SLC4A4: variants seen among roughly 807,000 people sequenced by gnomAD.
SLC4A4 encodes electrogenic sodium bicarbonate cotransporter 1.
In SLC4A4, 27 loss-of-function variants were observed where a neutral mutation model predicts 111.5. The observed-to-expected ratio is 0.24, with a 90% CI of 0.18 to 0.33. The LOEUF is 0.33. Ranked by LOEUF, SLC4A4 falls within the 10% of genes least tolerant of loss-of-function variation. The pLI is 1.00. For synonymous variants in SLC4A4, 443 were observed against 463.4 expected (o/e 0.96, Z 0.57); for missense variants, 909 against 1,315.5 (o/e 0.69, Z 4.78).
chr4:71,087,693 G>T (rs578077598), intron 1 of SLC4A4, among the ~76,000 whole-genome samples: 1 of 152,194 alleles, frequency 6.6e-6, no homozygotes, highest in East Asian at 1.9e-4. Flanking sequence ...AGGTTGTTCA[G>T]TTTCCATGTA....
At chr4:71,196,566 G>A (rs1289216185) in intron 1 of SLC4A4, among the ~76,000 whole-genome samples, 1 of 151,826 alleles carries the variant, frequency 6.6e-6, no homozygotes, top group Admixed American at 6.6e-5. Context: ...GCTTTGCACT[G>A]CCCTTTAATT....
At chr4:71,520,576 A>G (rs1339530688) in intron 16 of SLC4A4, among the ~76,000 whole-genome samples, 2 of 152,240 alleles carry the variant, frequency 1.3e-5, no homozygotes, top group African/African-American at 4.8e-5. Context: ...TATAAAGGGA[A>G]AGTTTGGCTA....
At chr4:71,202,146 C>T (rs1746284534) in intron 1 of SLC4A4, among the ~76,000 whole-genome samples, 1 of 152,214 alleles carries the variant, frequency 6.6e-6, no homozygotes, top group Non-Finnish European at 1.5e-5. Context: ...ATACATATAG[C>T]ATTGACAGTT....
At chr4:71,308,597 C>T (rs890581862) in intron 3 of SLC4A4, among the ~76,000 whole-genome samples, 3 of 152,132 alleles carry the variant, frequency 2.0e-5, no homozygotes, top group East Asian at 1.9e-4. Context: ...AGGGGGTTGT[C>T]GCCTCACCCA....
chr4:71,288,385 G>T (rs1209532710), intron 3 of SLC4A4, among the ~76,000 whole-genome samples: 3 of 151,380 alleles, frequency 2.0e-5, no homozygotes, highest in African/African-American at 7.3e-5. Flanking sequence ...CAAGGAGTCA[G>T]AGAACAAATA....
intron 12 of SLC4A4, among the ~76,000 whole-genome samples, chr4:71,458,271 A>G (rs984712854): frequency 2.6e-5 from 4 of 152,100 alleles, no homozygotes; most frequent in African/African-American, 9.6e-5. Flanking sequence ...TTTATGGATT[A>G]CTTAGTCTAT....
rs151334576 is a variant in SLC4A4 at position 71,146,956 on chromosome 4, G to A, written c.-2+54164G>A. Among the ~76,000 whole-genome samples the A allele has an allele frequency of 1.7e-3, 258 of 151,606 alleles. 1 individual carries two copies. Among genetic ancestry groups the A allele is most frequent in the African/African-American group, 6.1e-3 (250 of 41,312 alleles). On this transcript the variant is annotated intron_variant, in intron 2 of 26. Transcript: ENST00000649996. Reference sequence around the variant, plus strand: ...GGCACAGACTGGCAAATTGGATAAAGAGTCAAGACCCATCAGTGTGCTGTA... The same window carrying A: ...GGCACAGACTGGCAAATTGGATAAAAAGTCAAGACCCATCAGTGTGCTGTA...
At chr4:71,105,537 G>A (rs1331202205) in intron 2 of SLC4A4, among the ~76,000 whole-genome samples, 1 of 150,922 alleles carries the variant, frequency 6.6e-6, no homozygotes, top group Non-Finnish European at 1.5e-5. Flanking sequence ...CAAGGCTACA[G>A]TAACCAAAAC....
chr4:71,331,689 C>G (rs1400185599), intron 3 of SLC4A4, among the ~76,000 whole-genome samples: 2 of 151,022 alleles, frequency 1.3e-5, no homozygotes, highest in African/African-American at 4.9e-5. Context: ...ATGTAACAAA[C>G]CTGCCCGTTG....
chr4:71,397,539 A>G (rs757982509), intron 6 of SLC4A4, 38 bp from the exon 7 acceptor site: 4 of 1,551,944 alleles, frequency 2.6e-6, no homozygotes, highest in Non-Finnish European at 3.6e-6. Flanking sequence ...TGTTATTGAA[A>G]AGAAGTCTTT....
intron 3 of SLC4A4, among the ~76,000 whole-genome samples, chr4:71,313,164 A>G (rs2148856993): frequency 6.6e-6 from 1 of 152,344 alleles, no homozygotes; most frequent in Admixed American, 6.5e-5. Flanking sequence ...ATCATGAGTG[A>G]ACTTTCATTC....
chr4:71,363,169 A>G (rs1249706095), intron 6 of SLC4A4, among the ~76,000 whole-genome samples: 2 of 152,166 alleles, frequency 1.3e-5, no homozygotes, highest in African/African-American at 4.8e-5. Flanking sequence ...GCTGTTACCT[A>G]CAGTAACAGA....
intron 1 of SLC4A4, among the ~76,000 whole-genome samples, chr4:71,091,638 A>G (rs750627586): frequency 6.6e-6 from 1 of 152,104 alleles, no homozygotes; most frequent in Non-Finnish European, 1.5e-5. Context: ...GTAGCCAGCA[A>G]TGGGTCATAG....
chr4:71,361,895 T>A (rs968443865), intron 6 of SLC4A4, among the ~76,000 whole-genome samples: 3 of 152,236 alleles, frequency 2.0e-5, no homozygotes, highest in African/African-American at 7.2e-5. Context: ...TTTAGTAAGA[T>A]GTTTATGACA....
At chr4:71,317,292 G>T (rs904030886) in intron 3 of SLC4A4, among the ~76,000 whole-genome samples, 6 of 151,998 alleles carry the variant, frequency 3.9e-5, no homozygotes, top group Non-Finnish European at 8.8e-5. Flanking sequence ...TTCTGCCTGC[G>T]TGTGTTTATA....
intron 16 of SLC4A4, among the ~76,000 whole-genome samples, chr4:71,512,207 C>T (rs1731993078): frequency 6.6e-6 from 1 of 152,066 alleles, no homozygotes; most frequent in Non-Finnish European, 1.5e-5. Context: ...ATAGTGTTTC[C>T]ATAGTGACTG....
intron 2 of SLC4A4, among the ~76,000 whole-genome samples, chr4:71,177,921 A>C (rs1024159089): frequency 1.3e-5 from 2 of 152,200 alleles, no homozygotes; most frequent in African/African-American, 4.8e-5. Flanking sequence ...CTGACCACAT[A>C]GTTGGAAGTA....
intron 4 of SLC4A4, among the ~76,000 whole-genome samples, chr4:71,340,397 A>G (rs1303736751): frequency 6.6e-6 from 1 of 152,186 alleles, no homozygotes; most frequent in African/African-American, 2.4e-5. Context: ...TTATTACAGT[A>G]TATTGTTGTA....
intron 3 of SLC4A4, among the ~76,000 whole-genome samples, chr4:71,330,271 C>G (rs1727860180): frequency 6.6e-6 from 1 of 151,968 alleles, no homozygotes; most frequent in Admixed American, 6.6e-5. Context: ...TGTAGTTTTC[C>G]TTTTCTGATT....
Sources: allele counts gnomAD v4.1 joint callset (sites outside exome capture counted in the v4.1 genomes callset), GRCh38; gene constraint gnomAD v4.1.1; transcripts MANE v1.5; gene names NCBI Gene and HGNC (gene_info 2026-07-23, HGNC 2026-07-21).